Variants in FAM161A observed in about 807,000 individuals in gnomAD.
The protein encoded by FAM161A is FAM161 centrosomal protein A, also known as protein FAM161A.
Under a neutral mutation model 70.9 loss-of-function variants are expected in FAM161A, and 57 were observed. The ratio of observed to expected loss-of-function variants is 0.80; its 90% CI spans 0.65 to 1.00. The LOEUF (loss-of-function observed/expected upper bound fraction) is 1.00. Ranked by LOEUF, FAM161A falls within the 50% of genes least tolerant of loss-of-function variation. The probability of loss-of-function intolerance (pLI) is 0.00; values close to 1 mark genes in which losing one functional copy is unlikely to be tolerated. For synonymous variants in FAM161A, 299 were observed against 295.7 expected, an observed-to-expected ratio of 1.01 and a Z score of -0.12; for missense variants, 880 against 836.0, an observed-to-expected ratio of 1.05 and a Z score of -0.65.
At chr2:61,820,210 T>C (rs1672174485), downstream of FAM161A, 11 of 579,330 alleles carry the variant, frequency 1.9e-5, no homozygotes, top group South Asian at 2.2e-4. Flanking sequence ...CATGTCTAAG[T>C]CAGTCTCCTA....
In FAM161A at chr2:61,825,486, A is replaced by T; in HGVS notation, c.*969T>A. The T allele has an allele frequency of 2.2e-6, 1 of 448,280 alleles. No homozygotes were observed. The highest frequency in any genetic ancestry group is 4.4e-6 in the Non-Finnish European group (1 of 225,368). 27.8% of individuals were successfully genotyped at this position (448,280 alleles called of 1,614,324 possible). A position where few individuals can be genotyped will look rare whatever the true frequency, so the allele number is the denominator to read the frequency against. Reference sequence around the variant, plus strand: ...AATAATACATAGGGTTAAAAAAACTAGTATAAAAACTTTCCTAATAATTTA... The same window carrying T: ...AATAATACATAGGGTTAAAAAAACTTGTATAAAAACTTTCCTAATAATTTA... On this transcript the variant is annotated 3_prime_UTR_variant, in exon 7 of 7. Transcript: ENST00000404929.
chr2:61,841,609 C>T (rs779024145), intron 2 of FAM161A, among the ~76,000 whole-genome samples: 3 of 152,140 alleles, frequency 2.0e-5, no homozygotes, highest in East Asian at 1.9e-4. Flanking sequence ...GACTCCTCAG[C>T]GCCCAGGCAT....
intron 5 of FAM161A, among the ~76,000 whole-genome samples, chr2:61,829,235 C>G (rs139441239): frequency 1.8e-3 from 277 of 152,280 alleles, no homozygotes; most frequent in African/African-American, 6.2e-3. Context: ...ATGCTACTTT[C>G]TCTAAGTGGT....
At chr2:61,804,091 G>A in the FAM161A span, among the ~76,000 whole-genome samples, 11 of 152,170 alleles carry the variant, frequency 7.2e-5, no homozygotes, top group Admixed American at 7.2e-4. Flanking sequence ...ACAAGGGGTG[G>A]ATTATTCATG....
Position 61,842,323 on chromosome 2 carries a change from T to C in FAM161A, c.221A>G (p.His74Arg), listed in dbSNP as rs770114573. The C allele has an allele frequency of 1.5e-5, 23 of 1,583,572 alleles. No homozygotes were observed. Among genetic ancestry groups the C allele is most frequent in the South Asian group, 2.3e-5 (2 of 88,356 alleles). Residue 74 changes from histidine (H) to arginine (R), a missense_variant, in exon 2 of 7, where the codon CAT (histidine) becomes CGT (arginine). His to Arg is a conservative substitution (Grantham distance 29). Coordinates refer to ENST00000404929, the MANE Select transcript of FAM161A (RefSeq NM_001201543.2). ...LNTSFSGVDE[H>R]APISYEDFVN... ...AAAGTCCTCATAGCTTATCGGTGCATGTTCATCCACCCCAGAAAAGCTGGT... is the reference window on the plus strand; with the variant it reads ...AAAGTCCTCATAGCTTATCGGTGCACGTTCATCCACCCCAGAAAAGCTGGT...
downstream of FAM161A, among the ~76,000 whole-genome samples, chr2:61,821,145 C>G (rs984968378): frequency 1.3e-5 from 2 of 152,040 alleles, no homozygotes; most frequent in Non-Finnish European, 2.9e-5. Flanking sequence ...CTCGGCCTCC[C>G]GGGTTCAAGC....
chr2:61,823,974 C>G (rs147847850), downstream of FAM161A, among the ~76,000 whole-genome samples: 265 of 152,036 alleles, frequency 1.7e-3, no homozygotes, highest in African/African-American at 5.6e-3. Flanking sequence ...CTAACCATCA[C>G]TGTGTAATGT....
At chr2:61,817,952 T>C in the FAM161A span, among the ~76,000 whole-genome samples, 10 of 152,060 alleles carry the variant, frequency 6.6e-5, no homozygotes, top group Non-Finnish European at 1.2e-4. Context: ...AGCAAGACCC[T>C]GTCTGGAACA....
intron 1 of FAM161A, among the ~76,000 whole-genome samples, chr2:61,843,803 A>C (rs1281107091): frequency 6.6e-6 from 1 of 152,168 alleles, no homozygotes; most frequent in African/African-American, 2.4e-5. Flanking sequence ...ACAAGAGGAC[A>C]ATGTTGTACT....
downstream of FAM161A, among the ~76,000 whole-genome samples, chr2:61,823,443 C>A (rs1203665909): frequency 6.7e-6 from 1 of 149,226 alleles, no homozygotes. Context: ...GGGCTCACTG[C>A]AGCCTCAACC....
At chr2:61,818,861 C>T in the FAM161A span, among the ~76,000 whole-genome samples, 2 of 152,124 alleles carry the variant, frequency 1.3e-5, no homozygotes, top group Non-Finnish European at 2.9e-5. Context: ...TGACACTACC[C>T]GGTTACTTAA....
At chr2:61,816,545 T>C in the FAM161A span, among the ~76,000 whole-genome samples, 17 of 152,208 alleles carry the variant, frequency 1.1e-4, no homozygotes, top group African/African-American at 4.1e-4. Flanking sequence ...ACTGCAGCCT[T>C]GACCTCCTGG....
chr2:61,822,428 A>G (rs183395317), downstream of FAM161A, among the ~76,000 whole-genome samples: 211 of 152,338 alleles, frequency 1.4e-3, 1 homozygote, highest in African/African-American at 4.7e-3. Context: ...CTTTGACACC[A>G]TAATATTATA....
chr2:61,826,996 C>A (rs781721240), intron 6 of FAM161A, 108 bp downstream of exon 6: 37 of 1,072,822 alleles, frequency 3.4e-5, no homozygotes, highest in Non-Finnish European at 4.5e-5. Flanking sequence ...GGTAAAAGAT[C>A]TTTTTAAAAC....
chr2:61,838,900 TG>T (rs1479370618), intron 3 of FAM161A, among the ~76,000 whole-genome samples, 195 bp from the exon 4 acceptor site: 1 of 105,192 alleles, frequency 9.5e-6, no homozygotes, highest in South Asian at 2.9e-4. Context: ...TTATTTTTTT[TG>T]AGATGGAGTC....
At chr2:61,836,295 G>A (rs1672772438) in intron 4 of FAM161A, 186 bp from the exon 5 acceptor site, 2 of 563,350 alleles carry the variant, frequency 3.6e-6, no homozygotes, top group East Asian at 6.2e-5. Flanking sequence ...TTCTATACCG[G>A]TTAATTCTCA....
the FAM161A span, among the ~76,000 whole-genome samples, chr2:61,805,554 A>G: frequency 6.6e-6 from 1 of 152,082 alleles, no homozygotes; most frequent in Non-Finnish European, 1.5e-5. Context: ...CTTGCAAGCC[A>G]TTGGGGAGGT....
the FAM161A span, among the ~76,000 whole-genome samples, chr2:61,815,479 G>A: frequency 1.8e-3 from 268 of 145,928 alleles, 2 homozygotes; most frequent in African/African-American, 6.4e-3. Flanking sequence ...TCCAACCTGA[G>A]CAAAGTGTCT....
downstream of FAM161A, among the ~76,000 whole-genome samples, chr2:61,823,543 T>C (rs1392286973): frequency 1.3e-5 from 2 of 151,622 alleles, no homozygotes; most frequent in East Asian, 3.9e-4. Flanking sequence ...CTTTTGTATT[T>C]TTTGTAGAGA....
Sources: gnomAD v4.1 joint callset for allele counts (sites outside exome capture counted in the v4.1 genomes callset) on GRCh38, gnomAD v4.1.1 for gene constraint, MANE v1.5 for transcripts, NCBI Gene and HGNC (gene_info 2026-07-23, HGNC 2026-07-21) for gene names.